NUDT16L1: variants seen among roughly 807,000 people sequenced by gnomAD.
NUDT16L1 encodes nudix hydrolase 16 like 1, also known as tudor-interacting repair regulator protein.
In NUDT16L1, 19 loss-of-function variants were observed where a neutral mutation model predicts 17.3. The ratio of observed to expected loss-of-function variants is 1.10; its 90% CI spans 0.77 to 1.61. The LOEUF (loss-of-function observed/expected upper bound fraction) is 1.61. NUDT16L1 is among the 40% of genes most tolerant of loss of function. NUDT16L1 has a pLI of 0.00. For missense variants in NUDT16L1, 341 were observed against 292.0 expected (o/e 1.17, Z -1.22); for synonymous variants, 255 against 138.6 (o/e 1.84, Z -5.90).
At chr16:4,694,497 G>T in intron 2 of NUDT16L1, 2 of 1,519,138 alleles carry the variant, frequency 1.3e-6, no homozygotes, top group Non-Finnish European at 8.8e-7. Context: ...TCCTGGGAGT[G>T]GGGGAGTGGG....
rs777550710 is a variant in NUDT16L1, at chr16:4,694,926, C to T, written c.415-32C>T. ...CTGGAGGTGCCATTGTGTGGCAGGCCTGGCCCCAACCCCTACCTCCTGTCT... is the reference window on the plus strand; with the variant it reads ...CTGGAGGTGCCATTGTGTGGCAGGCTTGGCCCCAACCCCTACCTCCTGTCT... On this transcript the variant is annotated intron_variant, in intron 2 of 2. Coordinates refer to ENST00000304301, the Ensembl canonical transcript of NUDT16L1. 4 of 1,580,564 alleles carry T rather than the reference C, an allele frequency of 2.5e-6. No homozygotes were observed. The Admixed American group carries it at 5.4e-5, about 21-fold the overall frequency.
exon 2 of NUDT16L1, chr16:4,694,221 C>T (rs1326133439): frequency 3.3e-6 from 5 of 1,516,184 alleles, no homozygotes; most frequent in Non-Finnish European, 4.4e-6. Context: ...GGTGCACTCG[C>T]GCGACCACGG....
chr16:4,694,500 G>GGAGTGGGA, intron 2 of NUDT16L1: 2 of 1,518,054 alleles, frequency 1.3e-6, no homozygotes, highest in Non-Finnish European at 1.8e-6. Flanking sequence ...TGGGAGTGGG[G>GGAGTGGGA]GAGTGGGATC....
rs1477965395 is a variant in NUDT16L1 at position 4,693,723 on chromosome 16, C to T, written c.-4C>T. On this transcript the variant is annotated 5_prime_UTR_variant, in exon 1 of 3. Coordinates refer to ENST00000304301, the Ensembl canonical transcript of NUDT16L1. ...GCAGCGGCGGGGACGGGGTCAGTGC[C>T]AAGATGTCGACGGCGGCGGTTCCGG... 4.6e-6 allele frequency: 7 copies of T among 1,524,142 alleles called. No individual in the cohort carries two copies. In the South Asian group the frequency reaches 4.9e-5, roughly 11 times the overall value. The allele number at this position is 1,524,142 out of a possible 1,614,324, so 94.4% of individuals were successfully genotyped here.
intron 2 of NUDT16L1, chr16:4,694,563 A>G: frequency 2.1e-6 from 3 of 1,446,862 alleles, no homozygotes; most frequent in Non-Finnish European, 2.7e-6. Context: ...GAGTTGGGAA[A>G]CTTGAGCACA....
exon 3 of NUDT16L1, chr16:4,695,382 G>T (rs1266394380): frequency 6.6e-6 from 4 of 609,670 alleles, no homozygotes; most frequent in Non-Finnish European, 8.7e-6. Context: ...AGGCAGAGCA[G>T]GGTGGTCCGG....
At position 4,694,163 on chromosome 16, in the gene NUDT16L1, C is replaced by G; in HGVS notation, c.339C>G (p.Tyr113Ter). ...CACACCGCGTCGTGGCGCACCTGTA[C>G]GCGCGGCAGCTGACGCTGGAGCAGC... The change falls in exon 2 of 3, where the codon TAC becomes TAG. Residue 113 changes from tyrosine to a stop codon, truncating the protein, a stop_gained. Coordinates refer to ENST00000304301, the Ensembl canonical transcript of NUDT16L1. LOFTEE classifies it high-confidence loss of function. The G allele has an allele frequency of 6.3e-7, 1 of 1,584,060 alleles. No homozygotes were observed. The highest frequency in any genetic ancestry group is 8.5e-7 in the Non-Finnish European group (1 of 1,173,912).
intron 2 of NUDT16L1, 91 bp downstream of exon 2, chr16:4,694,329 C>A (rs770951292): frequency 6.7e-7 from 1 of 1,490,446 alleles, no homozygotes; most frequent in Admixed American, 2.2e-5. Context: ...TCCTGAGGGT[C>A]CCCTGGCCGG....
chr16:4,693,682 C>T (rs1272481237), upstream of NUDT16L1: 3 of 1,411,736 alleles, frequency 2.1e-6, no homozygotes, highest in Admixed American at 2.8e-5. Context: ...GGCGGGCTCG[C>T]GCATGCTCTT....
At chr16:4,694,823 C>T (rs2079503412) in intron 2 of NUDT16L1, 135 bp from the exon 3 acceptor site, 25 of 1,453,218 alleles carry the variant, frequency 1.7e-5, no homozygotes, top group Non-Finnish European at 2.3e-5. Flanking sequence ...TCTGCCAGGC[C>T]CTGCGTGGGT....
chr16:4,693,775 G>A, exon 1 of NUDT16L1: 1 of 1,566,116 alleles, frequency 6.4e-7, no homozygotes, highest in Non-Finnish European at 8.6e-7. Flanking sequence ...CCGGGTGGAG[G>A]CGATGCGCCT....
At chr16:4,694,029 C>A in exon 2 of NUDT16L1, 1 of 1,584,380 alleles carries the variant, frequency 6.3e-7, no homozygotes, top group Non-Finnish European at 8.5e-7. Context: ...CTTCGTGGAC[C>A]GGCGCTTCTG....
At position 4,693,751 on chromosome 16, in the gene NUDT16L1, C is replaced by T. The variant is rs753156053; in HGVS notation, c.25C>T (p.Leu9=). The T allele has an allele frequency of 9.7e-6, 15 of 1,552,930 alleles. No homozygotes were observed. The East Asian group carries it at 2.9e-4, about 30-fold the overall frequency. ...GATGTCGACGGCGGCGGTTCCGGAG[C>T]TGAAGCAGATCAGCCGGGTGGAGGC... Residue 9 remains leucine (L), a synonymous_variant, in exon 1 of 3, where the codon CTG becomes TTG. Coordinates refer to ENST00000304301, the Ensembl canonical transcript of NUDT16L1.
At chr16:4,695,228 T>G in exon 3 of NUDT16L1, 1 of 1,580,380 alleles carries the variant, frequency 6.3e-7, no homozygotes. Flanking sequence ...AGACTGGGAA[T>G]TCCTGCTAAG....
exon 2 of NUDT16L1, chr16:4,694,015 G>T: frequency 6.3e-7 from 1 of 1,584,558 alleles, no homozygotes. Context: ...GGCTTCCCCG[G>T]GGGCTTCGTG....
rs199718670 is a variant in NUDT16L1 at position 4,694,142 on chromosome 16, C to T, written c.318C>T (p.His106=). 56 of 1,588,412 alleles carry T rather than the reference C, an allele frequency of 3.5e-5. No individual in the cohort carries two copies. In the African/African-American group the frequency reaches 4.9e-4, roughly 14 times the overall value. Residue 106 remains histidine (H), a synonymous_variant, in exon 2 of 3, where the codon CAC becomes CAT. Transcript: ENST00000304301. Reference sequence around the variant, plus strand: ...GCTCGCACCTGACCGAGGGCCCACACCGCGTCGTGGCGCACCTGTACGCGC... The same window carrying T: ...GCTCGCACCTGACCGAGGGCCCACATCGCGTCGTGGCGCACCTGTACGCGC...
chr16:4,694,697 G>T, intron 2 of NUDT16L1: 1 of 1,426,522 alleles, frequency 7.0e-7, no homozygotes, highest in Non-Finnish European at 9.1e-7. Context: ...GGGGAGCATG[G>T]GGTGCGGACC....
intron 1 of NUDT16L1, 23 bp from the exon 2 acceptor site, chr16:4,693,955 C>T: frequency 6.5e-7 from 1 of 1,537,162 alleles, no homozygotes; most frequent in Non-Finnish European, 8.7e-7. Flanking sequence ...GACCCCGCGG[C>T]TGTGACCCGC....
exon 2 of NUDT16L1, chr16:4,694,106 C>G (rs1261774935): frequency 3.8e-6 from 6 of 1,590,760 alleles, no homozygotes; most frequent in East Asian, 4.6e-5. Context: ...TCACCGAGGC[C>G]GACTACCTGA....
Sources: gnomAD v4.1 joint callset for allele counts on GRCh38, gnomAD v4.1.1 for gene constraint, MANE v1.5 for transcripts, NCBI Gene and HGNC (gene_info 2026-07-23, HGNC 2026-07-21) for gene names.